PRKN: variants seen among roughly 807,000 people sequenced by gnomAD.
PRKN encodes the protein parkin RBR E3 ubiquitin protein ligase.
In PRKN, 56 loss-of-function variants were observed where a neutral mutation model predicts 59.5. That is an observed-to-expected ratio of 0.94 (90% CI 0.76 to 1.18). The LOEUF is 1.18. Ranked by LOEUF, PRKN falls within the 50% of genes most tolerant of loss-of-function variation. The pLI is 0.00. For missense variants in PRKN, 657 were observed against 596.4 expected, an observed-to-expected ratio of 1.10 and a Z score of -1.06; for synonymous variants, 250 against 222.1, an observed-to-expected ratio of 1.13 and a Z score of -1.12.
At chr6:162,231,699 C>T (rs776793580) in intron 3 of PRKN, among the ~76,000 whole-genome samples, 63 of 152,076 alleles carry the variant, frequency 4.1e-4, no homozygotes, top group African/African-American at 1.4e-3. Context: ...AGGTTAATAC[C>T]GAATATGCTG....
intron 3 of PRKN, among the ~76,000 whole-genome samples, chr6:162,250,611 T>C (rs929427211): frequency 1.3e-5 from 2 of 152,342 alleles, no homozygotes; most frequent in Admixed American, 6.5e-5. Flanking sequence ...CCTTCACTTA[T>C]ATCAACCCAT....
At position 162,365,088 on chromosome 6, in the gene PRKN, C is replaced by T. The variant is rs1785363854; in HGVS notation, c.171+78222G>A. 3.4e-5 allele frequency among the ~76,000 whole-genome samples: 5 copies of T among 147,782 alleles called. No homozygotes were observed. In the Admixed American group the frequency reaches 3.4e-4, roughly 10 times the overall value. On this transcript the variant is annotated intron_variant, in intron 2 of 11. Transcript: ENST00000366898. ...TTTACTAAGCATTTTTTTTTACAAT[C>T]AGGAGTATTGTAACCTTTGTATATT...
Position 161,448,476 on chromosome 6 carries a change from G to T in PRKN, c.1084-61599C>A, listed in dbSNP as rs936216175. 6.6e-6 allele frequency among the ~76,000 whole-genome samples: 1 copy of T among 152,094 alleles called. No individual in the cohort carries two copies. The highest frequency in any genetic ancestry group is 6.6e-5 in the Admixed American group (1 of 15,262). On this transcript the variant is annotated intron_variant, in intron 9 of 11. Transcript: ENST00000366898. This position sits in a 1 kb window ranked among gnomAD's most constrained non-coding sequence, Gnocchi z 5.1. Reference sequence around the variant, plus strand: ...TTAGATTTAATGCTGATTTCGGGGGGCATTTTTGCTTCAAATTTGTAAAAA... The same window carrying T: ...TTAGATTTAATGCTGATTTCGGGGGTCATTTTTGCTTCAAATTTGTAAAAA...
chr6:162,410,495 G>T (rs1008571429), intron 2 of PRKN, among the ~76,000 whole-genome samples: 1 of 152,082 alleles, frequency 6.6e-6, no homozygotes, highest in South Asian at 2.1e-4. Flanking sequence ...TTCCAATTTC[G>T]CTCGACTGAA....
intron 1 of PRKN, among the ~76,000 whole-genome samples, chr6:162,664,852 A>G (rs146794866): frequency 0.018 from 2,693 of 152,158 alleles, 72 homozygotes; most frequent in African/African-American, 0.062. Flanking sequence ...CTCTGATGAT[A>G]GTTTCTTTTG....
At chr6:161,769,800 G>T (rs764643740) in intron 7 of PRKN, among the ~76,000 whole-genome samples, 2 of 152,120 alleles carry the variant, frequency 1.3e-5, no homozygotes, top group Non-Finnish European at 2.9e-5. Context: ...AAAGGCAAAA[G>T]ATACAAATGC....
At position 161,896,432 on chromosome 6, in the gene PRKN, G is replaced by A. The variant is rs567481173; in HGVS notation, c.734+76870C>T. On this transcript the variant is annotated intron_variant, in intron 6 of 11. Coordinates refer to ENST00000366898, the MANE Select transcript of PRKN (RefSeq NM_004562.3). Reference sequence around the variant, plus strand: ...TCTATCTCCCATCAACAACCATAGTGGAATCCATTCTTCCAGCCACACCTA... The same window carrying A: ...TCTATCTCCCATCAACAACCATAGTAGAATCCATTCTTCCAGCCACACCTA... 1.7e-3 allele frequency among the ~76,000 whole-genome samples: 266 copies of A among 152,212 alleles called. 1 individual carries two copies. Among genetic ancestry groups the A allele is most frequent in the African/African-American group, 6.2e-3 (259 of 41,518 alleles).
Position 161,362,570 on chromosome 6 carries a change from G to A in PRKN, c.1168-2365C>T, listed in dbSNP as rs1785018026. Among the ~76,000 whole-genome samples the A allele has an allele frequency of 6.6e-6, 1 of 152,238 alleles. No homozygotes were observed. Among genetic ancestry groups the A allele is most frequent in the African/African-American group, 2.4e-5 (1 of 41,462 alleles). On this transcript the variant is annotated intron_variant, in intron 10 of 11. Coordinates refer to ENST00000366898, the MANE Select transcript of PRKN (RefSeq NM_004562.3). The surrounding 1 kb of genome is among the most constrained non-coding windows in gnomAD (Gnocchi z 5.2). ...ATGTGCTGGTCTCAGGCTGGGTTCT[G>A]TGAGGCAGCAGGTTTGGAAAACATT... is the stretch of plus-strand genomic sequence containing the variant.
intron 1 of PRKN, among the ~76,000 whole-genome samples, chr6:162,470,951 C>T (rs1406449874): frequency 5.3e-5 from 8 of 151,692 alleles, no homozygotes; most frequent in African/African-American, 1.9e-4. Context: ...TGGGGTGGGG[C>T]GGTTTCACCA....
rs529511174 is a variant in PRKN at position 161,435,280 on chromosome 6, C to T, written c.1084-48403G>A. 5.3e-5 allele frequency among the ~76,000 whole-genome samples: 8 copies of T among 152,300 alleles called. No individual in the cohort carries two copies. In the East Asian group the frequency reaches 1.2e-3, roughly 22 times the overall value. On this transcript the variant is annotated intron_variant, in intron 9 of 11. Transcript: ENST00000366898. ...TTTGGACATGCATTATAAGCGGTTA[C>T]ATTCCCATTGTCCTAAAAAACTCCC...
At chr6:162,417,011 T>C (rs1788662167) in intron 2 of PRKN, among the ~76,000 whole-genome samples, 2 of 152,176 alleles carry the variant, frequency 1.3e-5, no homozygotes, top group African/African-American at 2.4e-5. Context: ...TCCAGCATCC[T>C]AACAGCTGGA....
chr6:161,645,535 A>T (rs1783893787), intron 7 of PRKN, among the ~76,000 whole-genome samples: 1 of 152,232 alleles, frequency 6.6e-6, no homozygotes, highest in Non-Finnish European at 1.5e-5. Flanking sequence ...ATTCTTACTA[A>T]AATTTTTTAT....
At chr6:161,692,814 A>G (rs1785853369) in intron 7 of PRKN, among the ~76,000 whole-genome samples, 1 of 152,018 alleles carries the variant, frequency 6.6e-6, no homozygotes, top group Admixed American at 6.6e-5. Flanking sequence ...CTGGCATGGT[A>G]GCGCACACCT....
At chr6:162,529,914 G>A (rs771658875) in intron 1 of PRKN, among the ~76,000 whole-genome samples, 11 of 152,146 alleles carry the variant, frequency 7.2e-5, no homozygotes, top group Admixed American at 3.9e-4. Flanking sequence ...CAGATCACCC[G>A]AGGTCGGGAG....
intron 7 of PRKN, among the ~76,000 whole-genome samples, chr6:161,643,680 A>C (rs912899915): frequency 1.3e-5 from 2 of 152,264 alleles, no homozygotes; most frequent in Non-Finnish European, 2.9e-5. Context: ...CTAACGCATT[A>C]GATAGAGAGG....
rs376047879 is a variant in PRKN at position 161,655,885 on chromosome 6, T to TACACAC, written c.872-86475_872-86470dup. 7.0e-5 allele frequency among the ~76,000 whole-genome samples: 4 copies of TACACAC among 56,868 alleles called. 1 individual carries two copies. The highest frequency in any genetic ancestry group is 1.1e-3 in the South Asian group (2 of 1,876). The allele number at this position is 56,868 out of a possible 152,430, so 37.3% of individuals were successfully genotyped here. ...ACACATGCACACACACACACACACATACACACACACACACACACACACACA... is the reference window on the plus strand; with the variant it reads ...ACACATGCACACACACACACACACATACACACACACACACACACACACACACACACA... On this transcript the variant is annotated intron_variant, in intron 7 of 11. Transcript: ENST00000366898.
rs545223626 is a variant in PRKN, at chr6:161,676,150, A to C, written c.872-106734T>G. Among the ~76,000 whole-genome samples the C allele has an allele frequency of 7.2e-4, 109 of 152,338 alleles. 1 individual carries two copies. Among genetic ancestry groups the C allele is most frequent in the Non-Finnish European group, 6.8e-4 (46 of 68,030 alleles). On this transcript the variant is annotated intron_variant, in intron 7 of 11. Coordinates refer to ENST00000366898, the MANE Select transcript of PRKN (RefSeq NM_004562.3). ...CAGCCCCTGGCTGCACTCTGGTGCCACTAGAAACTGTGGGCCATGAAGGAG... is the reference window on the plus strand; with the variant it reads ...CAGCCCCTGGCTGCACTCTGGTGCCCCTAGAAACTGTGGGCCATGAAGGAG...
chr6:161,444,992 C>CT lies in PRKN; in HGVS notation c.1084-58116dup, dbSNP rs763575214. Among the ~76,000 whole-genome samples the CT allele has an allele frequency of 2.6e-5, 4 of 151,904 alleles. No individual in the cohort carries two copies. Among genetic ancestry groups the CT allele is most frequent in the Admixed American group, 6.6e-5 (1 of 15,254 alleles). ...CTAAAAAGGGCATTTGGCACAATATCTTTTTTTGTTTTTTTAATCTCTAGG... is the reference window on the plus strand; with the variant it reads ...CTAAAAAGGGCATTTGGCACAATATCTTTTTTTTGTTTTTTTAATCTCTAGG... On this transcript the variant is annotated intron_variant, in intron 9 of 11. Transcript: ENST00000366898. This position sits in a 1 kb window ranked among gnomAD's most constrained non-coding sequence, Gnocchi z 5.6.
intron 1 of PRKN, among the ~76,000 whole-genome samples, chr6:162,557,044 C>T (rs145343020): frequency 6.6e-6 from 1 of 152,326 alleles, no homozygotes; most frequent in Non-Finnish European, 1.5e-5. Context: ...ACCACCTCTA[C>T]CTTATGACAA....
Sources: allele counts gnomAD v4.1 joint callset (sites outside exome capture counted in the v4.1 genomes callset), GRCh38; gene constraint gnomAD v4.1.1; non-coding constraint Gnocchi (gnomAD v3.1); transcripts MANE v1.5; gene names NCBI Gene and HGNC (gene_info 2026-07-23, HGNC 2026-07-21).